The following SCD5 variants were observed in gnomAD, a reference collection of about 807,000 sequenced individuals.
SCD5 encodes the protein acyl-CoA-desaturase 4.
SCD5 carries 20 observed loss-of-function variants against 30.4 expected under a neutral mutation model. The observed-to-expected ratio is 0.66, with a 90% CI of 0.46 to 0.96. SCD5 has a LOEUF of 0.96. Among genes scored for constraint, SCD5 ranks in the 40% least tolerant of loss-of-function variants. The pLI is 0.00. For synonymous variants in SCD5, 173 were observed against 176.4 expected, an observed-to-expected ratio of 0.98 and a Z score of 0.16; for missense variants, 381 against 443.3, an observed-to-expected ratio of 0.86 and a Z score of 1.26.
chr4:82,660,359 C>T (rs767338559), intron 3 of SCD5: 19 of 697,240 alleles, frequency 2.7e-5, no homozygotes, highest in Non-Finnish European at 3.4e-5. Context: ...CCCAAATCAA[C>T]TGAATATACT....
At chr4:82,765,373 T>C (rs1200647824) in intron 1 of SCD5, among the ~76,000 whole-genome samples, 1 of 152,202 alleles carries the variant, frequency 6.6e-6, no homozygotes, top group Non-Finnish European at 1.5e-5. Flanking sequence ...TCCTTGTTTT[T>C]TTCCTCTGTC....
chr4:82,674,215 C>T (rs1728388867), intron 3 of SCD5, among the ~76,000 whole-genome samples: 1 of 152,186 alleles, frequency 6.6e-6, no homozygotes, highest in African/African-American at 2.4e-5. Flanking sequence ...GGACAAGCCA[C>T]AGACAGGAAT....
In SCD5 at chr4:82,740,501, G is replaced by T. The variant is rs577464442; in HGVS notation, c.233-35088C>A. On this transcript the variant is annotated intron_variant, in intron 1 of 4. Coordinates refer to ENST00000319540, the MANE Select transcript of SCD5 (RefSeq NM_001037582.3). ...CCCAAGGGGGAATCCAATCTATAGT[G>T]AAGTTCATTTTCACAATAAGCTTTG... is the stretch of plus-strand genomic sequence containing the variant. Among the ~76,000 whole-genome samples the T allele has an allele frequency of 4.6e-5, 7 of 152,346 alleles. No individual in the cohort carries two copies. In the East Asian group the frequency reaches 1.4e-3, roughly 29 times the overall value.
chr4:82,729,885 C>T lies in SCD5; in HGVS notation c.233-24472G>A, dbSNP rs542449294. ...GAGGAGTCTATACAACCAACCTTCC[C>T]AATTAGCACTTATCTTCCATTAGCT... is the stretch of plus-strand genomic sequence containing the variant. On this transcript the variant is annotated intron_variant, in intron 1 of 4. Coordinates refer to ENST00000319540, the MANE Select transcript of SCD5 (RefSeq NM_001037582.3). 7.2e-4 allele frequency among the ~76,000 whole-genome samples: 109 copies of T among 152,296 alleles called. 1 individual carries two copies. The highest frequency in any genetic ancestry group is 2.4e-3 in the African/African-American group (101 of 41,560).
intron 3 of SCD5, among the ~76,000 whole-genome samples, chr4:82,655,062 T>A (rs1578007261): frequency 6.6e-6 from 1 of 152,326 alleles, no homozygotes; most frequent in Admixed American, 6.5e-5. Flanking sequence ...AAGGACCTCA[T>A]CTTAACATTC....
At chr4:82,656,266 C>T (rs560276960) in intron 3 of SCD5, among the ~76,000 whole-genome samples, 1 of 152,044 alleles carries the variant, frequency 6.6e-6, no homozygotes, top group African/African-American at 2.4e-5. Flanking sequence ...CCACAACCCC[C>T]CAACAGGCCA....
At chr4:82,674,838 C>T (rs1354346996) in intron 3 of SCD5, among the ~76,000 whole-genome samples, 1 of 152,002 alleles carries the variant, frequency 6.6e-6, no homozygotes, top group Admixed American at 6.6e-5. Flanking sequence ...GGAGGAAGCA[C>T]AAATAGATAT....
chr4:82,677,161 G>A (rs573467402), intron 3 of SCD5, among the ~76,000 whole-genome samples: 58 of 152,318 alleles, frequency 3.8e-4, no homozygotes, highest in African/African-American at 1.4e-3. Context: ...ACCTGTTTGA[G>A]TAAACTCTCC....
chr4:82,667,229 G>T (rs1446887324), intron 3 of SCD5, among the ~76,000 whole-genome samples: 1 of 151,846 alleles, frequency 6.6e-6, no homozygotes, highest in Non-Finnish European at 1.5e-5. Context: ...GTCAAAGTGG[G>T]GAAAGAAAAA....
At chr4:82,679,080 T>A (rs1025413374) in intron 3 of SCD5, among the ~76,000 whole-genome samples, 13 of 150,736 alleles carry the variant, frequency 8.6e-5, no homozygotes, top group Middle Eastern at 3.4e-3. Context: ...ATGCCTGTAG[T>A]CCCAGCTACT....
At chr4:82,676,189 G>A (rs1484413266) in intron 3 of SCD5, among the ~76,000 whole-genome samples, 1 of 152,172 alleles carries the variant, frequency 6.6e-6, no homozygotes, top group African/African-American at 2.4e-5. Context: ...CCCTGCTGAG[G>A]ATGGTAGAGC....
At chr4:82,751,154 T>A (rs1721093556) in intron 1 of SCD5, among the ~76,000 whole-genome samples, 2 of 152,190 alleles carry the variant, frequency 1.3e-5, no homozygotes. Flanking sequence ...AATAAATAAA[T>A]GAGCAAAATC....
intron 1 of SCD5, among the ~76,000 whole-genome samples, chr4:82,747,550 T>G (rs1721022189): frequency 6.6e-6 from 1 of 152,260 alleles, no homozygotes; most frequent in African/African-American, 2.4e-5. Flanking sequence ...TAACCGTAGC[T>G]TCCTCACAGG....
chr4:82,752,688 G>A (rs1721130619), intron 1 of SCD5, among the ~76,000 whole-genome samples: 1 of 152,022 alleles, frequency 6.6e-6, no homozygotes, highest in Admixed American at 6.6e-5. Context: ...GTATTTGTTT[G>A]CATGGAATCC....
At chr4:82,660,892 G>C in intron 3 of SCD5, 1 of 1,614,002 alleles carries the variant, frequency 6.2e-7, no homozygotes. Context: ...TACCTCCAGG[G>C]ACACAGAAAG....
intron 1 of SCD5, among the ~76,000 whole-genome samples, chr4:82,789,811 G>C (rs1722063133): frequency 6.6e-6 from 1 of 152,140 alleles, no homozygotes; most frequent in Non-Finnish European, 1.5e-5. Context: ...GAATGAGGGG[G>C]AATGGGAACA....
At chr4:82,660,098 G>A (rs1183456583) in intron 3 of SCD5, 1 of 152,016 alleles carries the variant, frequency 6.6e-6, no homozygotes, top group Admixed American at 6.6e-5. Context: ...ATGGTAATGG[G>A]ATCAATGCAG....
intron 3 of SCD5, among the ~76,000 whole-genome samples, chr4:82,670,043 C>T (rs373759116): frequency 2.0e-5 from 3 of 152,216 alleles, no homozygotes; most frequent in African/African-American, 7.2e-5. Context: ...TCCCACCACA[C>T]TACTGAAGAC....
intron 3 of SCD5, among the ~76,000 whole-genome samples, chr4:82,649,118 A>G (rs939393750): frequency 1.3e-5 from 2 of 151,712 alleles, no homozygotes; most frequent in African/African-American, 4.9e-5. Context: ...TTTGAACTTA[A>G]TGACATTGTT....
Sources: gnomAD v4.1 joint callset for allele counts (sites outside exome capture counted in the v4.1 genomes callset) on GRCh38, gnomAD v4.1.1 for gene constraint, MANE v1.5 for transcripts, NCBI Gene and HGNC (gene_info 2026-07-23, HGNC 2026-07-21) for gene names.